OSTN: variants seen among roughly 807,000 people sequenced by gnomAD.
OSTN encodes the protein osteocrin.
Under a neutral mutation model 12.0 loss-of-function variants are expected in OSTN, and 9 were observed. The observed-to-expected ratio is 0.75, with a 90% CI of 0.45 to 1.30. The LOEUF (loss-of-function observed/expected upper bound fraction) is 1.30. Among genes scored for constraint, OSTN ranks in the 50% most tolerant of loss-of-function variants. The pLI is 0.00. For synonymous variants in OSTN, 59 were observed against 56.9 expected (o/e 1.04, Z -0.16); for missense variants, 148 against 152.3 (o/e 0.97, Z 0.15).
intron 4 of OSTN, among the ~76,000 whole-genome samples, chr3:191,253,455 A>C (rs1290990593): frequency 2.0e-5 from 3 of 152,242 alleles, no homozygotes; most frequent in African/African-American, 7.2e-5. Flanking sequence ...TTTATTTAAC[A>C]TTTATACCTG....
intron 3 of OSTN, among the ~76,000 whole-genome samples, chr3:191,241,688 C>T (rs563321431): frequency 2.0e-5 from 3 of 152,142 alleles, no homozygotes; most frequent in Non-Finnish European, 2.9e-5. Context: ...ACACCCGAAA[C>T]ACCTATTAAG....
chr3:191,213,438 T>C (rs1388784925), intron 2 of OSTN: 2 of 152,110 alleles, frequency 1.3e-5, no homozygotes, highest in Admixed American at 1.3e-4. Context: ...AACAAAGACT[T>C]GAATTCCTTG....
At chr3:191,208,088 A>G (rs1305480909) in intron 1 of OSTN, among the ~76,000 whole-genome samples, 11 of 151,938 alleles carry the variant, frequency 7.2e-5, no homozygotes. Context: ...TTCTTTTGAA[A>G]CTCCACACTA....
intron 1 of OSTN, 26 bp from the exon 2 acceptor site, chr3:191,212,507 C>T (rs762633983): frequency 6.1e-6 from 9 of 1,464,772 alleles, no homozygotes; most frequent in Non-Finnish European, 7.5e-6. Flanking sequence ...CGAATCAATG[C>T]TAACTATGAC....
At chr3:191,248,510 A>C (rs9818024) in intron 3 of OSTN, among the ~76,000 whole-genome samples, 47,607 of 152,178 alleles carry the variant, frequency 0.31, 8,614 homozygotes, top group Middle Eastern at 0.52. Context: ...GTAATTAGAA[A>C]AGAACTAAAG....
At chr3:191,203,659 C>T (rs1283944298) in intron 1 of OSTN, among the ~76,000 whole-genome samples, 1 of 150,514 alleles carries the variant, frequency 6.6e-6, no homozygotes, top group South Asian at 2.1e-4. Context: ...ACATTAATAA[C>T]ACTGCATCCA....
At chr3:191,256,230 A>G (rs1459603149) in intron 4 of OSTN, among the ~76,000 whole-genome samples, 1 of 152,158 alleles carries the variant, frequency 6.6e-6, no homozygotes, top group African/African-American at 2.4e-5. Flanking sequence ...ATTTTAGAAC[A>G]CATCTTAATA....
chr3:191,208,862 A>G (rs1350967709), intron 1 of OSTN, among the ~76,000 whole-genome samples: 1 of 152,244 alleles, frequency 6.6e-6, no homozygotes, highest in Non-Finnish European at 1.5e-5. Flanking sequence ...AATTTCTTTT[A>G]AAAAGATATA....
At chr3:191,247,701 G>T (rs965789817) in intron 3 of OSTN, among the ~76,000 whole-genome samples, 5 of 152,092 alleles carry the variant, frequency 3.3e-5, no homozygotes, top group African/African-American at 1.2e-4. Context: ...ACAGCATCTG[G>T]CACATAGAAG....
chr3:191,204,283 A>G (rs1314710129), intron 1 of OSTN, among the ~76,000 whole-genome samples: 1 of 152,172 alleles, frequency 6.6e-6, no homozygotes, highest in African/African-American at 2.4e-5. Context: ...GTAAATTCCC[A>G]TTACACAATT....
At chr3:191,237,581 C>T (rs1715225865) in intron 3 of OSTN, among the ~76,000 whole-genome samples, 1 of 152,190 alleles carries the variant, frequency 6.6e-6, no homozygotes, top group Non-Finnish European at 1.5e-5. Flanking sequence ...GCTTCCAGCA[C>T]CTGGCATCCT....
chr3:191,230,066 C>CAATGAATAAATAAATAAATA (rs1715011048), intron 3 of OSTN, among the ~76,000 whole-genome samples: 1 of 146,058 alleles, frequency 6.8e-6, no homozygotes, highest in African/African-American at 2.6e-5. Flanking sequence ...GACTCAGTCT[C>CAATGAATAAATAAATAAATA]AATAAATAAA....
At chr3:191,258,143 T>C (rs1260757717) in intron 4 of OSTN, among the ~76,000 whole-genome samples, 1 of 152,174 alleles carries the variant, frequency 6.6e-6, no homozygotes, top group South Asian at 2.1e-4. Context: ...CAGAGAGAAT[T>C]TGATTTTTCA....
chr3:191,204,650 A>G (rs925816955), intron 1 of OSTN, among the ~76,000 whole-genome samples: 9 of 152,238 alleles, frequency 5.9e-5, no homozygotes, highest in Admixed American at 5.2e-4. Context: ...TCCAGCAGGT[A>G]AGTCTCTCAA....
At chr3:191,246,863 T>G (rs1250648098) in intron 3 of OSTN, among the ~76,000 whole-genome samples, 2 of 152,094 alleles carry the variant, frequency 1.3e-5, no homozygotes, top group Non-Finnish European at 2.9e-5. Flanking sequence ...GTTAAATCCT[T>G]AGATTGCTGT....
intron 3 of OSTN, among the ~76,000 whole-genome samples, chr3:191,237,242 A>T (rs1201300618): frequency 1.3e-5 from 2 of 152,242 alleles, no homozygotes; most frequent in East Asian, 1.9e-4. Context: ...TGTGAATAAG[A>T]TATTTGTCAA....
At chr3:191,210,941 T>C (rs1456999444) in intron 1 of OSTN, among the ~76,000 whole-genome samples, 1 of 152,246 alleles carries the variant, frequency 6.6e-6, no homozygotes, top group Non-Finnish European at 1.5e-5. Context: ...ATGTAGGCCA[T>C]AGATGAGCTT....
intron 3 of OSTN, chr3:191,228,729 C>T (rs934169481): frequency 9.2e-5 from 14 of 152,152 alleles, no homozygotes; most frequent in African/African-American, 2.7e-4. Flanking sequence ...CTTATGTGAG[C>T]TTCACCACTA....
intron 4 of OSTN, among the ~76,000 whole-genome samples, chr3:191,252,428 T>C (rs1006117581): frequency 6.6e-6 from 1 of 152,162 alleles, no homozygotes; most frequent in Non-Finnish European, 1.5e-5. Flanking sequence ...ATGAAGACAA[T>C]TGAATTAATA....
Sources: allele counts gnomAD v4.1 joint callset (sites outside exome capture counted in the v4.1 genomes callset), GRCh38; gene constraint gnomAD v4.1.1; transcripts MANE v1.5; gene names NCBI Gene and HGNC (gene_info 2026-07-23, HGNC 2026-07-21).